Variants in KLF12 observed in about 807,000 individuals in gnomAD.
The protein encoded by KLF12 is Krueppel-like factor 12.
A neutral mutation model predicts 37.8 loss-of-function variants in KLF12; 9 were observed. The ratio of observed to expected loss-of-function variants is 0.24; its 90% CI spans 0.14 to 0.42. KLF12 has a LOEUF of 0.42. KLF12 is among the 10% of genes least tolerant of loss of function. The pLI, the probability that KLF12 is intolerant of heterozygous loss-of-function variation, is 1.00. For synonymous variants in KLF12, 208 were observed against 202.1 expected (o/e 1.03, Z -0.25); for missense variants, 411 against 516.0 (o/e 0.80, Z 1.97).
Position 74,015,402 on chromosome 13 carries a change from A to C in KLF12, c.-31-20349T>G, listed in dbSNP as rs151127267. On this transcript the variant is annotated intron_variant, in intron 1 of 7. Transcript: ENST00000377669. Reference sequence around the variant, plus strand: ...GCCTGTATCATAAACTGGCTAAAGGAATTAAACGAAATAATGCGAGTGCTT... The same window carrying C: ...GCCTGTATCATAAACTGGCTAAAGGCATTAAACGAAATAATGCGAGTGCTT... Among the ~76,000 whole-genome samples, 692 of 152,284 alleles carry C rather than the reference A, an allele frequency of 4.5e-3. 3 individuals carry two copies. The highest frequency in any genetic ancestry group is 0.011 in the African/African-American group (472 of 41,558).
intron 3 of KLF12, among the ~76,000 whole-genome samples, chr13:73,886,543 G>T (rs1887230321): frequency 6.6e-6 from 1 of 151,998 alleles, no homozygotes; most frequent in African/African-American, 2.4e-5. Context: ...CTAGGTGATG[G>T]GCTGATCTGT....
intron 5 of KLF12, among the ~76,000 whole-genome samples, chr13:73,805,952 C>T (rs955015194): frequency 2.0e-5 from 3 of 151,786 alleles, no homozygotes; most frequent in Non-Finnish European, 2.9e-5. Flanking sequence ...TTACAGGTGC[C>T]CACCACCAAG....
At chr13:73,940,406 T>TA (rs1890134993) in intron 3 of KLF12, among the ~76,000 whole-genome samples, 1 of 152,078 alleles carries the variant, frequency 6.6e-6, no homozygotes, top group African/African-American at 2.4e-5. Flanking sequence ...TTCACTTAAC[T>TA]AAAAATGCAA....
At chr13:73,809,945 T>G (rs953611087) in intron 5 of KLF12, among the ~76,000 whole-genome samples, 10 of 152,198 alleles carry the variant, frequency 6.6e-5, no homozygotes, top group Non-Finnish European at 1.3e-4. Context: ...CATAAAATCC[T>G]GTGACTTGAA....
intron 4 of KLF12, among the ~76,000 whole-genome samples, chr13:73,828,410 C>T (rs928552216): frequency 3.9e-5 from 6 of 152,120 alleles, no homozygotes; most frequent in Admixed American, 2.0e-4. Flanking sequence ...TTTAGATATA[C>T]GTCTTTTAGA....
chr13:73,752,907 T>C (rs1594049402), intron 6 of KLF12, among the ~76,000 whole-genome samples: 2 of 151,554 alleles, frequency 1.3e-5, no homozygotes, highest in African/African-American at 2.4e-5. Flanking sequence ...ATACAAAAAT[T>C]AGTACTGGCT....
At position 73,705,854 on chromosome 13, in the gene KLF12, C is replaced by T. The variant is rs756501056; in HGVS notation, c.1027+9514G>A. 3.3e-5 allele frequency among the ~76,000 whole-genome samples: 5 copies of T among 152,016 alleles called. No homozygotes were observed. The East Asian group carries it at 5.8e-4, about 18-fold the overall frequency. On this transcript the variant is annotated intron_variant, in intron 7 of 7. Transcript: ENST00000377669. ...GAAGGAGAATGATGTCACAAAGACA[C>T]GATAAAGATCCCATGGCGGCCGGGT...
chr13:74,155,577 GGT>G, the KLF12 span, among the ~76,000 whole-genome samples: 1 of 151,932 alleles, frequency 6.6e-6, no homozygotes, highest in Non-Finnish European at 1.5e-5. Context: ...TGGCCAGGCT[GGT>G]CTGCAACTCC....
At chr13:74,235,941 T>A in the KLF12 span, among the ~76,000 whole-genome samples, 4 of 148,604 alleles carry the variant, frequency 2.7e-5, no homozygotes, top group South Asian at 2.2e-4. Flanking sequence ...TTATTTTTTT[T>A]ATTTTTATTT....
At chr13:74,275,419 T>C in the KLF12 span, among the ~76,000 whole-genome samples, 5 of 152,204 alleles carry the variant, frequency 3.3e-5, no homozygotes, top group Non-Finnish European at 2.9e-5. Flanking sequence ...AACTAGTTGC[T>C]TTCAAACTAC....
the KLF12 span, among the ~76,000 whole-genome samples, chr13:74,230,667 G>C: frequency 1.3e-5 from 2 of 152,142 alleles, no homozygotes; most frequent in Non-Finnish European, 2.9e-5. Context: ...TCACGTACTC[G>C]GGATGAATTC....
intron 3 of KLF12, among the ~76,000 whole-genome samples, chr13:73,882,873 T>C (rs1183105509): frequency 6.6e-6 from 1 of 152,194 alleles, no homozygotes; most frequent in Non-Finnish European, 1.5e-5. Context: ...CAGCCTCATG[T>C]ATAGGGCGAT....
chr13:73,952,600 A>T (rs1185959458), intron 2 of KLF12, among the ~76,000 whole-genome samples: 1 of 152,194 alleles, frequency 6.6e-6, no homozygotes, highest in Non-Finnish European at 1.5e-5. Flanking sequence ...ATGGTAATTC[A>T]TTTCTTCAAA....
At chr13:74,060,949 T>C (rs1458429035) in intron 1 of KLF12, among the ~76,000 whole-genome samples, 1 of 152,182 alleles carries the variant, frequency 6.6e-6, no homozygotes, top group Non-Finnish European at 1.5e-5. Context: ...TATTTTCTAG[T>C]AGACAAGGGT....
the KLF12 span, among the ~76,000 whole-genome samples, chr13:74,186,061 G>A: frequency 1.3e-5 from 2 of 152,046 alleles, no homozygotes; most frequent in African/African-American, 4.8e-5. Context: ...AGAGTACTGA[G>A]GGTTTTATAT....
chr13:74,274,903 T>A, the KLF12 span, among the ~76,000 whole-genome samples: 1 of 152,212 alleles, frequency 6.6e-6, no homozygotes, highest in African/African-American at 2.4e-5. Context: ...TTTGTCATAT[T>A]TGGATGTTTT....
At chr13:74,294,360 C>A in the KLF12 span, among the ~76,000 whole-genome samples, 1 of 151,986 alleles carries the variant, frequency 6.6e-6, no homozygotes, top group African/African-American at 2.4e-5. Flanking sequence ...TCTAATCCCC[C>A]AAATTAATAA....
chr13:74,275,807 C>CCTTCT, the KLF12 span, among the ~76,000 whole-genome samples: 6 of 50,312 alleles, frequency 1.2e-4, no homozygotes, highest in East Asian at 6.9e-4. Context: ...TCTTTCTTTC[C>CCTTCT]TTCTTTCTTT....
the KLF12 span, among the ~76,000 whole-genome samples, chr13:74,230,659 ACGTACT>A: frequency 1.3e-5 from 2 of 152,068 alleles, no homozygotes; most frequent in African/African-American, 4.8e-5. Flanking sequence ...TTGTCTCCTC[ACGTACT>A]CGGGATGAAT....
Sources: gnomAD v4.1 joint callset for allele counts (sites outside exome capture counted in the v4.1 genomes callset) on GRCh38, gnomAD v4.1.1 for gene constraint, MANE v1.5 for transcripts, NCBI Gene and HGNC (gene_info 2026-07-23, HGNC 2026-07-21) for gene names.